KCNJ3: variants seen among roughly 807,000 people sequenced by gnomAD.
The protein encoded by KCNJ3 is G protein-activated inward rectifier potassium channel 1.
In KCNJ3, 4 loss-of-function variants were observed where a neutral mutation model predicts 39.2. The observed-to-expected ratio is 0.10, with a 90% CI of 0.05 to 0.23. The LOEUF is 0.23. Among genes scored for constraint, KCNJ3 ranks in the 10% least tolerant of loss-of-function variants. The pLI, the probability that KCNJ3 is intolerant of heterozygous loss-of-function variation, is 1.00. For missense variants in KCNJ3, 276 were observed against 634.9 expected, an observed-to-expected ratio of 0.43 and a Z score of 6.08; for synonymous variants, 230 against 237.4, an observed-to-expected ratio of 0.97 and a Z score of 0.29.
chr2:154,826,717 C>G (rs1687277340), intron 2 of KCNJ3, among the ~76,000 whole-genome samples: 1 of 152,104 alleles, frequency 6.6e-6, no homozygotes. Flanking sequence ...CTCCTTGTTA[C>G]AAAATACCCC....
chr2:154,757,774 A>T (rs781129543), intron 2 of KCNJ3, among the ~76,000 whole-genome samples: 2 of 152,114 alleles, frequency 1.3e-5, no homozygotes, highest in Non-Finnish European at 2.9e-5. Flanking sequence ...CTCCCTCTCC[A>T]CTTCAGTGGT....
At chr2:154,775,845 T>C (rs1421901433) in intron 2 of KCNJ3, among the ~76,000 whole-genome samples, 1 of 152,128 alleles carries the variant, frequency 6.6e-6, no homozygotes, top group African/African-American at 2.4e-5. Context: ...GGAGAAGGGG[T>C]TGATGTAACG....
chr2:154,700,901 C>T (rs1175002217), intron 1 of KCNJ3, among the ~76,000 whole-genome samples: 1 of 152,092 alleles, frequency 6.6e-6, no homozygotes, highest in Non-Finnish European at 1.5e-5. Flanking sequence ...ATTTTGTACA[C>T]CACAGTGGAA....
chr2:154,753,422 G>A (rs557503007), intron 2 of KCNJ3, among the ~76,000 whole-genome samples: 57 of 152,154 alleles, frequency 3.7e-4, no homozygotes, highest in African/African-American at 1.3e-3. Context: ...CTTTATGCAC[G>A]TTCAAGATTG....
At chr2:154,847,238 TA>T (rs959597831) in intron 2 of KCNJ3, among the ~76,000 whole-genome samples, 7 of 152,118 alleles carry the variant, frequency 4.6e-5, no homozygotes, top group South Asian at 2.1e-4. Context: ...TAAAAAAGAT[TA>T]AAAAAAATCA....
At chr2:154,845,474 A>ATAT (rs1363570504) in intron 2 of KCNJ3, among the ~76,000 whole-genome samples, 7 of 152,158 alleles carry the variant, frequency 4.6e-5, no homozygotes, top group Non-Finnish European at 8.8e-5. Context: ...CAATAGTTTT[A>ATAT]TATTATATTG....
chr2:154,807,002 T>A (rs758674204), intron 2 of KCNJ3, among the ~76,000 whole-genome samples: 98 of 152,296 alleles, frequency 6.4e-4, no homozygotes, highest in Admixed American at 1.2e-3. Flanking sequence ...TGAGGTGACA[T>A]AAATGCCTCT....
chr2:154,764,938 T>C (rs1686107143), intron 2 of KCNJ3, among the ~76,000 whole-genome samples: 1 of 152,172 alleles, frequency 6.6e-6, no homozygotes, highest in Admixed American at 6.5e-5. Flanking sequence ...CCATTGATGC[T>C]CTCCACCCCC....
At chr2:154,785,997 T>G (rs1686523136) in intron 2 of KCNJ3, among the ~76,000 whole-genome samples, 1 of 152,238 alleles carries the variant, frequency 6.6e-6, no homozygotes, top group Non-Finnish European at 1.5e-5. Flanking sequence ...GACCTGTGAC[T>G]AAATGTCTGG....
chr2:154,815,777 G>T (rs1028062393), intron 2 of KCNJ3, among the ~76,000 whole-genome samples: 1 of 152,168 alleles, frequency 6.6e-6, no homozygotes, highest in Non-Finnish European at 1.5e-5. Flanking sequence ...CAGCCATACT[G>T]GACAGAATAC....
chr2:154,769,383 G>C (rs1436586656), intron 2 of KCNJ3, among the ~76,000 whole-genome samples: 3 of 152,160 alleles, frequency 2.0e-5, no homozygotes, highest in African/African-American at 7.2e-5. Context: ...TTTATTGAGA[G>C]TTTTTAGCAT....
intron 2 of KCNJ3, among the ~76,000 whole-genome samples, chr2:154,832,612 GGAA>G (rs1403970902): frequency 6.6e-6 from 1 of 152,100 alleles, no homozygotes; most frequent in Non-Finnish European, 1.5e-5. Context: ...ATTGCTTGAG[GGAA>G]GAAGCAGTTA....
At position 154,699,616 on chromosome 2, in the gene KCNJ3, G is replaced by T; in HGVS notation, c.702+139G>T. On this transcript the variant is annotated intron_variant, in intron 1 of 2. Transcript: ENST00000295101. The surrounding 1 kb of genome is among the most constrained non-coding windows in gnomAD (Gnocchi z 6.4). ...GTAAACTTCCTTTTGGGGGGTTGGGGGTTGGAGGACTGGGCAAAGAATGCG... is the reference window on the plus strand; with the variant it reads ...GTAAACTTCCTTTTGGGGGGTTGGGTGTTGGAGGACTGGGCAAAGAATGCG... 7.6e-7 allele frequency: 1 copy of T among 1,312,980 alleles called. No homozygotes were observed. The highest frequency in any genetic ancestry group is 2.5e-5 in the East Asian group (1 of 39,512). The allele number at this position is 1,312,980 out of a possible 1,614,324, so 81.3% of individuals were successfully genotyped here. A position where few individuals can be genotyped will look rare whatever the true frequency, so the allele number is the denominator to read the frequency against.
chr2:154,754,598 T>C (rs1685906631), intron 2 of KCNJ3, among the ~76,000 whole-genome samples: 2 of 152,224 alleles, frequency 1.3e-5, no homozygotes, highest in Admixed American at 1.3e-4. Context: ...TAATAATACT[T>C]CAATATATGG....
chr2:154,799,020 G>A (rs1014485100), intron 2 of KCNJ3, among the ~76,000 whole-genome samples: 3 of 151,850 alleles, frequency 2.0e-5, no homozygotes, highest in African/African-American at 4.8e-5. Context: ...GTGTTGAAGT[G>A]GGAGAGAAAC....
intron 2 of KCNJ3, among the ~76,000 whole-genome samples, chr2:154,842,486 G>A (rs995961017): frequency 3.3e-5 from 5 of 152,130 alleles, no homozygotes; most frequent in East Asian, 3.9e-4. Context: ...TTCAGGTCCT[G>A]GATATCCTTG....
At chr2:154,814,216 G>A (rs1172886367) in intron 2 of KCNJ3, among the ~76,000 whole-genome samples, 1 of 152,106 alleles carries the variant, frequency 6.6e-6, no homozygotes, top group Non-Finnish European at 1.5e-5. Flanking sequence ...TTGACATAAG[G>A]TGACAGCTCT....
chr2:154,774,646 A>G (rs994488564), intron 2 of KCNJ3, among the ~76,000 whole-genome samples: 1 of 152,152 alleles, frequency 6.6e-6, no homozygotes, highest in Non-Finnish European at 1.5e-5. Flanking sequence ...GTTTAAATCA[A>G]GTGGGAACAC....
intron 2 of KCNJ3, among the ~76,000 whole-genome samples, chr2:154,795,725 G>A (rs1372929704): frequency 6.6e-6 from 1 of 152,026 alleles, no homozygotes; most frequent in South Asian, 2.1e-4. Flanking sequence ...CACTGGAAAA[G>A]GAGGCCTCTT....
Sources: gnomAD v4.1 joint callset for allele counts (sites outside exome capture counted in the v4.1 genomes callset) on GRCh38, gnomAD v4.1.1 for gene constraint, Gnocchi (gnomAD v3.1) non-coding constraint, MANE v1.5 for transcripts, NCBI Gene and HGNC (gene_info 2026-07-23, HGNC 2026-07-21) for gene names.